Variants in PPFIA1 observed in about 807,000 individuals in gnomAD.
PPFIA1 encodes liprin-alpha-1.
Under a neutral mutation model 149.9 loss-of-function variants are expected in PPFIA1, and 25 were observed. That is an observed-to-expected ratio of 0.17 (90% CI 0.12 to 0.23). The LOEUF is 0.23. Among genes scored for constraint, PPFIA1 ranks in the 10% least tolerant of loss-of-function variants. The pLI is 1.00. For synonymous variants in PPFIA1, 549 were observed against 552.8 expected, an observed-to-expected ratio of 0.99 and a Z score of 0.10; for missense variants, 1,362 against 1,506.5, an observed-to-expected ratio of 0.90 and a Z score of 1.59.
chr11:70,280,595 C>T (rs149554613), intron 2 of PPFIA1, among the ~76,000 whole-genome samples: 36 of 152,216 alleles, frequency 2.4e-4, no homozygotes, highest in Non-Finnish European at 3.5e-4. Context: ...GACAGGCACC[C>T]TGTTGTTGCC....
At chr11:70,327,070 TG>T in intron 7 of PPFIA1, 1 of 445,100 alleles carries the variant, frequency 2.2e-6, no homozygotes, top group Non-Finnish European at 4.0e-6. Flanking sequence ...GACATGGCCA[TG>T]AAGTGGACGC....
At chr11:70,295,189 C>T (rs957062474) in intron 2 of PPFIA1, among the ~76,000 whole-genome samples, 1 of 146,982 alleles carries the variant, frequency 6.8e-6, no homozygotes, top group African/African-American at 2.5e-5. Flanking sequence ...GGGGGCTGAC[C>T]CCCCCACCTC....
At chr11:70,297,878 C>G (rs1017483182) in intron 2 of PPFIA1, among the ~76,000 whole-genome samples, 2 of 152,196 alleles carry the variant, frequency 1.3e-5, no homozygotes, top group South Asian at 4.1e-4. Flanking sequence ...TGGACCATTT[C>G]CCATCCATAG....
intron 2 of PPFIA1, among the ~76,000 whole-genome samples, chr11:70,295,192 C>G (rs1451270823): frequency 2.0e-5 from 3 of 148,354 alleles, no homozygotes; most frequent in Non-Finnish European, 4.5e-5. Context: ...GGCTGACCCC[C>G]CCACCTCCCT....
intron 2 of PPFIA1, among the ~76,000 whole-genome samples, chr11:70,287,988 A>G (rs1011524300): frequency 1.3e-5 from 2 of 151,742 alleles, no homozygotes; most frequent in African/African-American, 4.8e-5. Flanking sequence ...TAAGAGTTAA[A>G]GTCTAAGTGT....
chr11:70,373,064 A>G (rs145218167), intron 23 of PPFIA1, among the ~76,000 whole-genome samples: 1 of 152,124 alleles, frequency 6.6e-6, no homozygotes, highest in Non-Finnish European at 1.5e-5. Flanking sequence ...AAGGAGGAGG[A>G]GCTGCTTAGG....
At chr11:70,369,007 C>A (rs1591369590) in intron 21 of PPFIA1, among the ~76,000 whole-genome samples, 1 of 146,408 alleles carries the variant, frequency 6.8e-6, no homozygotes, top group East Asian at 2.0e-4. Context: ...CCAGGCTGTT[C>A]TCAAACTCCT....
Position 70,384,168 on chromosome 11 carries a change from G to GT in PPFIA1, c.*1179dup, listed in dbSNP as rs2057801852. 6.6e-6 allele frequency: 1 copy of GT among 152,198 alleles called. No homozygotes were observed. Among genetic ancestry groups the GT allele is most frequent in the Non-Finnish European group, 1.5e-5 (1 of 68,020 alleles). 9.4% of individuals were successfully genotyped at this position (152,198 alleles called of 1,614,324 possible). On this transcript the variant is annotated 3_prime_UTR_variant, in exon 28 of 28. Coordinates refer to ENST00000253925, the MANE Select transcript of PPFIA1 (RefSeq NM_003626.5). ...GCAAAGTGTGTCAGACCATGGCGTG[G>GT]TATTTATTGTGCAGCAGATCCAGAG... is the stretch of plus-strand genomic sequence containing the variant.
chr11:70,354,560 C>G (rs758952614), intron 17 of PPFIA1, 108 bp downstream of exon 17: 7 of 1,213,824 alleles, frequency 5.8e-6, no homozygotes, highest in Non-Finnish European at 7.8e-6. Flanking sequence ...TGTAGAATTA[C>G]CCATTAATTC....
At chr11:70,367,180 C>T (rs957954230) in intron 21 of PPFIA1, among the ~76,000 whole-genome samples, 1 of 152,190 alleles carries the variant, frequency 6.6e-6, no homozygotes, top group Non-Finnish European at 1.5e-5. Flanking sequence ...CAAGACTGAG[C>T]TGTGGTGATG....
chr11:70,324,599 C>A (rs1202431216), intron 3 of PPFIA1, 96 bp downstream of exon 3: 1 of 1,089,404 alleles, frequency 9.2e-7, no homozygotes, highest in African/African-American at 1.6e-5. Context: ...CTCTGTCTGG[C>A]CTGAAATACT....
At chr11:70,320,509 C>T (rs377078758) in intron 2 of PPFIA1, among the ~76,000 whole-genome samples, 2 of 151,468 alleles carry the variant, frequency 1.3e-5, no homozygotes, top group East Asian at 1.9e-4. Context: ...ACGGCTCAAC[C>T]TGCTGGGCTC....
intron 2 of PPFIA1, among the ~76,000 whole-genome samples, chr11:70,288,984 T>TTTC (rs71046601): frequency 1.5e-4 from 23 of 150,332 alleles, no homozygotes; most frequent in African/African-American, 5.4e-4. Context: ...TTTTTTTTTT[T>TTTC]GGGGACGGAG....
In PPFIA1 at chr11:70,383,030, T is replaced by G. The variant is rs907533238; in HGVS notation, c.*40T>G. On this transcript the variant is annotated 3_prime_UTR_variant, in exon 28 of 28. Transcript: ENST00000253925. ...TACCCACACTACTTCTACAGATGAT[T>G]ATGCAGCATTTGAATCCAACAAAGA... The G allele has an allele frequency of 2.4e-6, 1 of 412,730 alleles. No homozygotes were observed. The highest frequency in any genetic ancestry group is 1.8e-5 in the South Asian group (1 of 56,154). 25.6% of individuals were successfully genotyped at this position (412,730 alleles called of 1,614,324 possible).
At chr11:70,309,092 T>A (rs935933236) in intron 2 of PPFIA1, among the ~76,000 whole-genome samples, 3 of 152,222 alleles carry the variant, frequency 2.0e-5, no homozygotes, top group Admixed American at 2.0e-4. Context: ...GGTTTTTTTT[T>A]ACTAATATAT....
intron 15 of PPFIA1, among the ~76,000 whole-genome samples, chr11:70,347,089 G>A (rs964410520): frequency 1.3e-5 from 2 of 152,186 alleles, no homozygotes; most frequent in Middle Eastern, 3.4e-3. Context: ...CAATATTTTC[G>A]TTTAGTCTAA....
At chr11:70,290,776 A>C (rs1309828384) in intron 2 of PPFIA1, among the ~76,000 whole-genome samples, 1 of 152,244 alleles carries the variant, frequency 6.6e-6, no homozygotes, top group Non-Finnish European at 1.5e-5. Flanking sequence ...AACCTTTGCC[A>C]GTACTAATAT....
chr11:70,348,686 G>A (rs1263115715), intron 16 of PPFIA1, among the ~76,000 whole-genome samples: 3 of 152,020 alleles, frequency 2.0e-5, no homozygotes, highest in Non-Finnish European at 4.4e-5. Context: ...GTCAAAACCA[G>A]CTGGGCAACA....
intron 16 of PPFIA1, 126 bp from the exon 17 acceptor site, chr11:70,354,175 A>G: frequency 1.9e-6 from 2 of 1,036,056 alleles, no homozygotes; most frequent in Non-Finnish European, 2.8e-6. Flanking sequence ...CCAGACTGAA[A>G]CAAGACTTTC....
Sources: allele counts gnomAD v4.1 joint callset (sites outside exome capture counted in the v4.1 genomes callset), GRCh38; gene constraint gnomAD v4.1.1; transcripts MANE v1.5; gene names NCBI Gene and HGNC (gene_info 2026-07-23, HGNC 2026-07-21).